DGCR2: variants seen among roughly 807,000 people sequenced by gnomAD.
DGCR2 encodes the protein DiGeorge syndrome critical region gene 2.
In DGCR2, 24 loss-of-function variants were observed where a neutral mutation model predicts 51.6. That is an observed-to-expected ratio of 0.47 (90% CI 0.34 to 0.65). The LOEUF is 0.65. DGCR2 is among the 30% of genes least tolerant of loss of function. The pLI, the probability that DGCR2 is intolerant of heterozygous loss-of-function variation, is 0.01. For synonymous variants in DGCR2, 340 were observed against 315.4 expected, an observed-to-expected ratio of 1.08 and a Z score of -0.82; for missense variants, 765 against 772.1, an observed-to-expected ratio of 0.99 and a Z score of 0.11.
At chr22:19,073,750 G>C (rs1261519490) in intron 2 of DGCR2, among the ~76,000 whole-genome samples, 1 of 152,228 alleles carries the variant, frequency 6.6e-6, no homozygotes, top group Non-Finnish European at 1.5e-5. Context: ...GGACACTTCA[G>C]ACATGCAAAC....
intron 6 of DGCR2, among the ~76,000 whole-genome samples, chr22:19,051,735 C>T (rs1051526355): frequency 2.6e-5 from 4 of 152,030 alleles, no homozygotes; most frequent in African/African-American, 7.3e-5. Context: ...CAAAACAAAA[C>T]GAACAAACGA....
intron 2 of DGCR2, among the ~76,000 whole-genome samples, chr22:19,085,081 A>G (rs2082999168): frequency 6.7e-6 from 1 of 150,252 alleles, no homozygotes; most frequent in Non-Finnish European, 1.5e-5. Flanking sequence ...TTTGTTCTGT[A>G]CTAAGAAAAA....
chr22:19,065,301 G>A (rs1055469806), intron 3 of DGCR2: 1 of 544,012 alleles, frequency 1.8e-6, no homozygotes, highest in Non-Finnish European at 3.3e-6. Flanking sequence ...ATTTCTATAA[G>A]ATCTTTTAAT....
chr22:19,121,241 T>A (rs1432422747), intron 1 of DGCR2, among the ~76,000 whole-genome samples: 1 of 152,194 alleles, frequency 6.6e-6, no homozygotes, highest in Non-Finnish European at 1.5e-5. Flanking sequence ...AAGATGACTG[T>A]ATTAATATAC....
chr22:19,042,018 G>A, intron 7 of DGCR2, 59 bp from the exon 8 acceptor site: 1 of 1,559,884 alleles, frequency 6.4e-7, no homozygotes, highest in East Asian at 2.3e-5. Context: ...GTGCTACGCT[G>A]GGGATGCTGT....
intron 1 of DGCR2, among the ~76,000 whole-genome samples, chr22:19,106,880 C>A (rs5747983): frequency 6.6e-6 from 1 of 152,026 alleles, no homozygotes; most frequent in Non-Finnish European, 1.5e-5. Flanking sequence ...CTTTCCAGTT[C>A]TGAGCCATTT....
chr22:19,042,067 CAG>C (rs1220616571), intron 7 of DGCR2, 108 bp from the exon 8 acceptor site: 1 of 1,308,742 alleles, frequency 7.6e-7, no homozygotes, highest in African/African-American at 1.5e-5. Context: ...ACAAGGCACA[CAG>C]TGTCTCCCTG....
At chr22:19,062,779 A>ATTCTCTCT in intron 5 of DGCR2, among the ~76,000 whole-genome samples, 4 of 127,352 alleles carry the variant, frequency 3.1e-5, no homozygotes, top group Non-Finnish European at 5.4e-5. Context: ...ATGCATGCTC[A>ATTCTCTCT]CTCTCTCTCT....
At chr22:19,039,675 T>C (rs1033728459) in intron 9 of DGCR2, among the ~76,000 whole-genome samples, 1 of 152,168 alleles carries the variant, frequency 6.6e-6, no homozygotes, top group African/African-American at 2.4e-5. Flanking sequence ...GGCTGTGTGG[T>C]AGGCAGTCGA....
In DGCR2 at chr22:19,081,799, T is replaced by C. The variant is rs145855377; in HGVS notation, c.202+7569A>G. 9.6e-4 allele frequency among the ~76,000 whole-genome samples: 147 copies of C among 152,364 alleles called. 1 individual carries two copies. Among genetic ancestry groups the C allele is most frequent in the African/African-American group, 3.4e-3 (142 of 41,580 alleles). ...GCACATAAAATTTCCACACTATCCATATCTTCTCCAACATTTTAATTTTTG... is the reference window on the plus strand; with the variant it reads ...GCACATAAAATTTCCACACTATCCACATCTTCTCCAACATTTTAATTTTTG... On this transcript the variant is annotated intron_variant, in intron 2 of 9. Transcript: ENST00000263196.
At position 19,080,054 on chromosome 22, in the gene DGCR2, C is replaced by T. The variant is rs552215462; in HGVS notation, c.202+9314G>A. Among the ~76,000 whole-genome samples, 9 of 152,312 alleles carry T rather than the reference C, an allele frequency of 5.9e-5. No individual in the cohort carries two copies. The South Asian group carries it at 1.9e-3, about 32-fold the overall frequency. On this transcript the variant is annotated intron_variant, in intron 2 of 9. Coordinates refer to ENST00000263196, the MANE Select transcript of DGCR2 (RefSeq NM_005137.3). ...CTTCCATTATGTTGACACTTTTCTA[C>T]CTCTTGTATGAAGTGCCAGTGTCTC...
chr22:19,068,048 A>G, intron 3 of DGCR2, 52 bp downstream of exon 3: 2 of 1,492,596 alleles, frequency 1.3e-6, no homozygotes. Flanking sequence ...GGCAGGGGTC[A>G]TGTCAGGCTT....
At chr22:19,098,847 T>C (rs2083169848) in intron 1 of DGCR2, among the ~76,000 whole-genome samples, 1 of 152,156 alleles carries the variant, frequency 6.6e-6, no homozygotes, top group African/African-American at 2.4e-5. Context: ...TCTCACCTTA[T>C]GCTCTCAAAG....
chr22:19,055,604 G>C (rs1349867540), intron 6 of DGCR2, among the ~76,000 whole-genome samples: 1 of 152,034 alleles, frequency 6.6e-6, no homozygotes, highest in African/African-American at 2.4e-5. Flanking sequence ...CATCTAAATA[G>C]AAAATCAACA....
chr22:19,082,225 T>TC (rs1555907647), intron 2 of DGCR2, among the ~76,000 whole-genome samples: 5 of 141,290 alleles, frequency 3.5e-5, no homozygotes, highest in Admixed American at 1.4e-4. Context: ...ATTATTTCTT[T>TC]TTTTTTTTTT....
intron 7 of DGCR2, among the ~76,000 whole-genome samples, chr22:19,043,365 CAG>C (rs1877585528): frequency 6.6e-6 from 1 of 152,202 alleles, no homozygotes; most frequent in Non-Finnish European, 1.5e-5. Context: ...ACACTGGGGA[CAG>C]GGGCTCGATA....
chr22:19,056,431 T>C (rs2082603295), intron 6 of DGCR2: 1 of 512,028 alleles, frequency 2.0e-6, no homozygotes, highest in East Asian at 4.4e-5. Flanking sequence ...ACAGCTGCCA[T>C]CCCAGAGCCA....
intron 1 of DGCR2, among the ~76,000 whole-genome samples, chr22:19,100,001 T>C (rs1191339641): frequency 6.9e-6 from 1 of 145,914 alleles, no homozygotes; most frequent in African/African-American, 2.6e-5. Context: ...TGACCCAGTA[T>C]GGTGGCTCAT....
intron 4 of DGCR2, 60 bp downstream of exon 4, chr22:19,064,788 T>G (rs1285361763): frequency 6.6e-7 from 1 of 1,510,132 alleles, no homozygotes; most frequent in African/African-American, 1.4e-5. Context: ...TCAGAGGCCA[T>G]GTGCTCAGTA....
Sources: gnomAD v4.1 joint callset for allele counts (sites outside exome capture counted in the v4.1 genomes callset) on GRCh38, gnomAD v4.1.1 for gene constraint, MANE v1.5 for transcripts, NCBI Gene and HGNC (gene_info 2026-07-23, HGNC 2026-07-21) for gene names.